LURAP1: variants seen among roughly 807,000 people sequenced by gnomAD.
The protein encoded by LURAP1 is leucine rich adaptor protein 1, also known as NF-kappa-B activator C1orf190.
Under a neutral mutation model 19.0 loss-of-function variants are expected in LURAP1, and 14 were observed. The observed-to-expected ratio is 0.74, with a 90% CI of 0.49 to 1.15. The LOEUF is 1.15. Ranked by LOEUF, LURAP1 falls within the 50% of genes most tolerant of loss-of-function variation. LURAP1 has a pLI of 0.00. For missense variants in LURAP1, 273 were observed against 309.1 expected, an observed-to-expected ratio of 0.88 and a Z score of 0.87; for synonymous variants, 129 against 131.8, an observed-to-expected ratio of 0.98 and a Z score of 0.14.
At position 46,203,419 on chromosome 1, in the gene LURAP1, G is replaced by C; in HGVS notation, c.-8G>C. On this transcript the variant is annotated 5_prime_UTR_variant, in exon 1 of 2. Transcript: ENST00000371980. Reference sequence around the variant, plus strand: ...CGGTCGCCCAGCCCTTTTCAGGCTTGGGCCCGCATGGAGGGGACCGTGGAG... The same window carrying C: ...CGGTCGCCCAGCCCTTTTCAGGCTTCGGCCCGCATGGAGGGGACCGTGGAG... The C allele has an allele frequency of 6.9e-7, 1 of 1,451,358 alleles. No individual in the cohort carries two copies. Among genetic ancestry groups the C allele is most frequent in the Non-Finnish European group, 9.1e-7 (1 of 1,100,134 alleles). 89.9% of individuals were successfully genotyped at this position (1,451,358 alleles called of 1,614,324 possible). A position where few individuals can be genotyped will look rare whatever the true frequency, so the allele number is the denominator to read the frequency against.
chr1:46,216,924 G>T (rs1359757829), intron 1 of LURAP1, among the ~76,000 whole-genome samples: 1 of 152,136 alleles, frequency 6.6e-6, no homozygotes, highest in African/African-American at 2.4e-5. Flanking sequence ...ATTCACTTAG[G>T]ATTATAGCCT....
intron 1 of LURAP1, among the ~76,000 whole-genome samples, chr1:46,217,042 A>C (rs1006976305): frequency 7.9e-5 from 12 of 152,220 alleles, no homozygotes; most frequent in African/African-American, 2.9e-4. Flanking sequence ...TCTTATGCCA[A>C]CTTTCTCAGG....
intron 1 of LURAP1, among the ~76,000 whole-genome samples, chr1:46,214,357 A>G (rs1658996103): frequency 6.6e-6 from 1 of 151,882 alleles, no homozygotes. Flanking sequence ...AAAAGAAAAA[A>G]AAAAAGGAAA....
chr1:46,219,641 A>G (rs1278665951), intron 1 of LURAP1, 58 bp from the exon 2 acceptor site: 1 of 1,506,254 alleles, frequency 6.6e-7, no homozygotes, highest in African/African-American at 1.4e-5. Context: ...GGCCTGTGGA[A>G]ACGCTGGGGA....
At chr1:46,219,246 G>T (rs192627420) in intron 1 of LURAP1, among the ~76,000 whole-genome samples, 1 of 150,388 alleles carries the variant, frequency 6.6e-6, no homozygotes, top group Admixed American at 6.6e-5. Context: ...GGTGAGCTGA[G>T]ATCGCGCCAT....
In LURAP1 at chr1:46,220,047, A is replaced by G. The variant is rs2148256622; in HGVS notation, c.547A>G (p.Thr183Ala). The G allele has an allele frequency of 6.2e-7, 1 of 1,614,222 alleles. No individual in the cohort carries two copies. The highest frequency in any genetic ancestry group is 8.5e-7 in the Non-Finnish European group (1 of 1,180,050). ...KVIAGGERAR[T>A]EVDVAATRLG... Reference sequence around the variant, plus strand: ...TATAGCTGGTGGAGAGAGGGCCAGGACTGAGGTGGATGTGGCAGCCACCAG... The same window carrying G: ...TATAGCTGGTGGAGAGAGGGCCAGGGCTGAGGTGGATGTGGCAGCCACCAG... Residue 183 changes from threonine to alanine, a missense_variant, in exon 2 of 2, where the codon ACT becomes GCT. By Grantham distance (58) the Thr-to-Ala change is moderately conservative. Coordinates refer to ENST00000371980, the MANE Select transcript of LURAP1 (RefSeq NM_001013615.3).
At chr1:46,208,453 C>T (rs1658788626) in intron 1 of LURAP1, among the ~76,000 whole-genome samples, 1 of 152,134 alleles carries the variant, frequency 6.6e-6, no homozygotes, top group African/African-American at 2.4e-5. Context: ...TGGATTAATT[C>T]CATCTCGAGG....
chr1:46,212,560 C>T (rs1230023733), intron 1 of LURAP1, among the ~76,000 whole-genome samples: 3 of 151,538 alleles, frequency 2.0e-5, no homozygotes, highest in African/African-American at 2.4e-5. Context: ...GGATTACAGG[C>T]GTGAGCCACT....
intron 1 of LURAP1, among the ~76,000 whole-genome samples, chr1:46,204,561 G>C (rs1456331502): frequency 6.6e-6 from 1 of 152,188 alleles, no homozygotes; most frequent in Non-Finnish European, 1.5e-5. Context: ...GTGCCAAGCT[G>C]GTCTGTGAAG....
chr1:46,215,896 T>A (rs2148251228), intron 1 of LURAP1, among the ~76,000 whole-genome samples: 1 of 152,218 alleles, frequency 6.6e-6, no homozygotes, highest in South Asian at 2.1e-4. Flanking sequence ...TAAGACCCTG[T>A]CTCAAAAATA....
chr1:46,203,478 A>C lies in LURAP1; in HGVS notation c.52A>C (p.Lys18Gln). The change falls in exon 1 of 2, where the codon AAG becomes CAG. Residue 18 changes from lysine to glutamine, a missense_variant. Transcript: ENST00000371980. ...GCCTGACCTGCGGGATGTGGAGGGT[A>C]AGGTGGGCAGGAAGACCCCTGAAGG... ...QTPDLRDVEG[K>Q]VGRKTPEGLL... 6.6e-7 allele frequency: 1 copy of C among 1,522,660 alleles called. No homozygotes were observed. Among genetic ancestry groups the C allele is most frequent in the African/African-American group, 1.4e-5 (1 of 70,282 alleles). The allele number at this position is 1,522,660 out of a possible 1,614,324, so 94.3% of individuals were successfully genotyped here.
At chr1:46,211,454 C>T (rs927825509) in intron 1 of LURAP1, among the ~76,000 whole-genome samples, 29 of 151,742 alleles carry the variant, frequency 1.9e-4, no homozygotes, top group African/African-American at 4.1e-4. Flanking sequence ...CACACACACA[C>T]ACACACACAC....
At chr1:46,212,497 G>T (rs1658932457) in intron 1 of LURAP1, among the ~76,000 whole-genome samples, 1 of 151,892 alleles carries the variant, frequency 6.6e-6, no homozygotes, top group Non-Finnish European at 1.5e-5. Flanking sequence ...TAGCCAGGAT[G>T]GTCTTGATCT....
In LURAP1 at chr1:46,210,276, G is replaced by T. The variant is rs185924992; in HGVS notation, c.198+6652G>T. ...AGAAAACCCTAAACTGTGTGTGTGT[G>T]TTTTTTTAATTTTTTCACTTAATGC... On this transcript the variant is annotated intron_variant, in intron 1 of 1. Transcript: ENST00000371980. 3.1e-3 allele frequency among the ~76,000 whole-genome samples: 465 copies of T among 152,044 alleles called. 4 individuals are homozygous for T. Among genetic ancestry groups the T allele is most frequent in the African/African-American group, 0.011 (439 of 41,468 alleles).
intron 1 of LURAP1, among the ~76,000 whole-genome samples, chr1:46,218,594 C>A (rs6696085): frequency 4.9e-4 from 75 of 152,098 alleles, no homozygotes; most frequent in Non-Finnish European, 7.4e-4. Context: ...TGTAGATGTT[C>A]GGATTCGGCA....
chr1:46,215,559 A>G (rs2148250796), intron 1 of LURAP1, among the ~76,000 whole-genome samples: 1 of 152,218 alleles, frequency 6.6e-6, no homozygotes, highest in Admixed American at 6.5e-5. Flanking sequence ...ACAAAGGATC[A>G]GGGATTGGAA....
At chr1:46,213,799 C>T (rs1472685309) in intron 1 of LURAP1, among the ~76,000 whole-genome samples, 1 of 151,860 alleles carries the variant, frequency 6.6e-6, no homozygotes, top group Admixed American at 6.6e-5. Context: ...AGGATACTGA[C>T]AGCCTTGCTT....
chr1:46,208,390 C>T (rs371124115), intron 1 of LURAP1, among the ~76,000 whole-genome samples: 13 of 152,256 alleles, frequency 8.5e-5, no homozygotes, highest in African/African-American at 3.1e-4. Context: ...CTTTCTTCAT[C>T]GAACATAGTG....
At chr1:46,207,876 AT>A (rs1027044069) in intron 1 of LURAP1, among the ~76,000 whole-genome samples, 14 of 143,574 alleles carry the variant, frequency 9.8e-5, no homozygotes, top group African/African-American at 3.4e-4. Flanking sequence ...TATTATCATT[AT>A]TTTTTTTGAC....
Sources: gnomAD v4.1 joint callset for allele counts (sites outside exome capture counted in the v4.1 genomes callset) on GRCh38, gnomAD v4.1.1 for gene constraint, MANE v1.5 for transcripts, NCBI Gene and HGNC (gene_info 2026-07-23, HGNC 2026-07-21) for gene names.